The following SNX9 variants were observed in gnomAD, a reference collection of about 807,000 sequenced individuals.
SNX9 encodes the protein sorting nexin-9.
SNX9 carries 44 observed loss-of-function variants against 89.4 expected under a neutral mutation model. The observed-to-expected ratio is 0.49, with a 90% CI of 0.39 to 0.63. The LOEUF (loss-of-function observed/expected upper bound fraction) is 0.63, where lower values mean the gene tolerates loss of function less well. Among genes scored for constraint, SNX9 ranks in the 30% least tolerant of loss-of-function variants. The pLI is 0.00. For missense variants in SNX9, 578 were observed against 736.1 expected (o/e 0.79, Z 2.49); for synonymous variants, 236 against 247.8 (o/e 0.95, Z 0.45).
intron 1 of SNX9, among the ~76,000 whole-genome samples, chr6:157,837,747 T>C (rs1050438584): frequency 6.6e-6 from 1 of 152,244 alleles, no homozygotes; most frequent in African/African-American, 2.4e-5. Flanking sequence ...TCTGTGTTCA[T>C]ATGACCTGTC....
At chr6:157,860,216 T>G (rs899269374) in intron 1 of SNX9, among the ~76,000 whole-genome samples, 11 of 152,136 alleles carry the variant, frequency 7.2e-5, no homozygotes, top group Non-Finnish European at 1.2e-4. Flanking sequence ...CTAGGCAACA[T>G]AGTGAGATCT....
At chr6:157,891,115 T>C (rs1286316325) in intron 4 of SNX9, among the ~76,000 whole-genome samples, 1 of 136,124 alleles carries the variant, frequency 7.3e-6, no homozygotes, top group Non-Finnish European at 1.5e-5. Flanking sequence ...CACTGCAACC[T>C]CCGCCTTCCA....
intron 1 of SNX9, among the ~76,000 whole-genome samples, chr6:157,847,095 A>G (rs1781819586): frequency 6.6e-6 from 1 of 152,122 alleles, no homozygotes; most frequent in Non-Finnish European, 1.5e-5. Flanking sequence ...TTATGAAACT[A>G]GGAGAGTCTG....
intron 17 of SNX9, among the ~76,000 whole-genome samples, chr6:157,941,365 G>A (rs1030876662): frequency 6.6e-6 from 1 of 152,154 alleles, no homozygotes; most frequent in Non-Finnish European, 1.5e-5. Flanking sequence ...CACCACACAG[G>A]AAACCAAAGG....
chr6:157,940,545 G>A (rs1214274447), intron 16 of SNX9, among the ~76,000 whole-genome samples: 1 of 152,182 alleles, frequency 6.6e-6, no homozygotes, highest in Non-Finnish European at 1.5e-5. Context: ...GGCCTCCCAA[G>A]TAGCTGGGAT....
chr6:157,868,440 C>T (rs1003184909), intron 2 of SNX9, among the ~76,000 whole-genome samples: 2 of 152,172 alleles, frequency 1.3e-5, no homozygotes, highest in African/African-American at 4.8e-5. Flanking sequence ...GATCTCTTAT[C>T]TCAGGTTCTT....
chr6:157,834,154 T>TTTTTG (rs1562588726), intron 1 of SNX9, among the ~76,000 whole-genome samples: 3 of 64,434 alleles, frequency 4.7e-5, no homozygotes, highest in Non-Finnish European at 9.2e-5. Flanking sequence ...ACTGTGGTTT[T>TTTTTG]TTTTTTTTTT....
intron 17 of SNX9, 92 bp from the exon 18 acceptor site, chr6:157,942,699 A>T (rs1337285960): frequency 2.2e-6 from 3 of 1,336,978 alleles, no homozygotes; most frequent in Non-Finnish European, 3.2e-6. Context: ...AATTTGTGTC[A>T]TGTTTAACTT....
chr6:157,874,970 T>A (rs1269495140), intron 3 of SNX9, 81 bp from the exon 4 acceptor site: 12 of 1,476,554 alleles, frequency 8.1e-6, no homozygotes, highest in Non-Finnish European at 1.1e-5. Context: ...AAACCCTTTT[T>A]GACAATTCTT....
intron 13 of SNX9, among the ~76,000 whole-genome samples, chr6:157,934,866 C>T (rs9365602): frequency 0.22 from 32,924 of 152,080 alleles, 3,632 homozygotes; most frequent in Non-Finnish European, 0.23. Context: ...TAGCAAGAAG[C>T]ATTCCCTGGC....
chr6:157,835,915 A>G (rs1781573541), intron 1 of SNX9, among the ~76,000 whole-genome samples: 1 of 151,984 alleles, frequency 6.6e-6, no homozygotes, highest in Non-Finnish European at 1.5e-5. Flanking sequence ...GGCATACACC[A>G]CCATGCCTAG....
At chr6:157,922,352 C>T (rs1326555125) in intron 10 of SNX9, among the ~76,000 whole-genome samples, 2 of 152,240 alleles carry the variant, frequency 1.3e-5, no homozygotes, top group Non-Finnish European at 2.9e-5. Flanking sequence ...TCAACAAATA[C>T]TGCATCTCTC....
At position 157,873,188 on chromosome 6, in the gene SNX9, C is replaced by T. The variant is rs1481436001; in HGVS notation, c.174+12C>T. The T allele has an allele frequency of 1.9e-6, 3 of 1,569,960 alleles. No homozygotes were observed. The highest frequency in any genetic ancestry group is 2.6e-6 in the Non-Finnish European group (3 of 1,157,262). Reference sequence around the variant, plus strand: ...CAGACTACGTTGAAGTAAGAGCTTCCTGTCATTCATTCATTAGAGCTCATC... The same window carrying T: ...CAGACTACGTTGAAGTAAGAGCTTCTTGTCATTCATTCATTAGAGCTCATC... On this transcript the variant is annotated intron_variant, in intron 3 of 17. Coordinates refer to ENST00000392185, the MANE Select transcript of SNX9 (RefSeq NM_016224.5).
At chr6:157,923,439 T>A (rs6907290) in intron 10 of SNX9, among the ~76,000 whole-genome samples, 43,147 of 150,492 alleles carry the variant, frequency 0.29, 7,099 homozygotes, top group African/African-American at 0.46. Flanking sequence ...AAAAAAAAAA[T>A]AACCTGTCAT....
At chr6:157,920,480 A>G (rs957935591) in intron 9 of SNX9, among the ~76,000 whole-genome samples, 6 of 152,160 alleles carry the variant, frequency 3.9e-5, no homozygotes, top group African/African-American at 1.4e-4. Flanking sequence ...TGGTACCACC[A>G]TGTCGAACAC....
chr6:157,856,864 C>T (rs1782023928), intron 1 of SNX9, among the ~76,000 whole-genome samples: 2 of 151,636 alleles, frequency 1.3e-5, no homozygotes, highest in Admixed American at 6.6e-5. Context: ...CATCAGAAGG[C>T]AAGTAATGTC....
intron 4 of SNX9, among the ~76,000 whole-genome samples, chr6:157,880,722 C>G (rs369373584): frequency 6.6e-6 from 1 of 152,206 alleles, no homozygotes; most frequent in Admixed American, 6.5e-5. Flanking sequence ...ATCCATTGTT[C>G]TAACAGATTT....
At chr6:157,933,098 G>T (rs1783848603) in intron 13 of SNX9, among the ~76,000 whole-genome samples, 1 of 151,800 alleles carries the variant, frequency 6.6e-6, no homozygotes, top group South Asian at 2.1e-4. Flanking sequence ...AGGAACCCAG[G>T]CAACATAAGG....
At chr6:157,864,764 T>A (rs1175018718) in intron 1 of SNX9, among the ~76,000 whole-genome samples, 2 of 152,188 alleles carry the variant, frequency 1.3e-5, no homozygotes, top group Non-Finnish European at 2.9e-5. Flanking sequence ...GCATGGTGGC[T>A]CACACCTGTA....
Sources: allele counts gnomAD v4.1 joint callset (sites outside exome capture counted in the v4.1 genomes callset), GRCh38; gene constraint gnomAD v4.1.1; transcripts MANE v1.5; gene names NCBI Gene and HGNC (gene_info 2026-07-23, HGNC 2026-07-21).